DNAAF11: variants seen among roughly 807,000 people sequenced by gnomAD.
DNAAF11 encodes the protein dynein axonemal assembly factor 11.
In DNAAF11, 45 loss-of-function variants were observed where a neutral mutation model predicts 60.8. The ratio of observed to expected loss-of-function variants is 0.74; its 90% CI spans 0.58 to 0.95. The LOEUF (loss-of-function observed/expected upper bound fraction) is 0.95, where lower values mean the gene tolerates loss of function less well. Ranked by LOEUF, DNAAF11 falls within the 40% of genes least tolerant of loss-of-function variation. DNAAF11 has a pLI of 0.00. For missense variants in DNAAF11, 546 were observed against 546.2 expected, an observed-to-expected ratio of 1.00 and a Z score of 0.00; for synonymous variants, 191 against 183.5, an observed-to-expected ratio of 1.04 and a Z score of -0.33.
At chr8:132,674,123 G>GAGGAGGAA (rs1825483613) in intron 1 of DNAAF11, among the ~76,000 whole-genome samples, 2 of 125,008 alleles carry the variant, frequency 1.6e-5, no homozygotes, top group Admixed American at 7.4e-5. Context: ...AGGAGGAGGA[G>GAGGAGGAA]GAGGAGGAGG....
rs981190680 is a variant in DNAAF11 at position 132,648,127 on chromosome 8, C to T, written c.256+8703G>A. Among the ~76,000 whole-genome samples the T allele has an allele frequency of 5.8e-4, 89 of 152,174 alleles. 1 individual carries two copies. The highest frequency in any genetic ancestry group is 1.2e-3 in the East Asian group (6 of 5,184). The stretch of plus-strand genomic sequence containing the variant: ...AATCCTCAATAAAATACTGGCAAAC[C>T]GAATCCAGCAGCACATCAAAAAGCT... On this transcript the variant is annotated intron_variant, in intron 3 of 11. Coordinates refer to ENST00000620350, the MANE Select transcript of DNAAF11 (RefSeq NM_012472.6).
chr8:132,590,930 C>T (rs1395754649), intron 10 of DNAAF11, among the ~76,000 whole-genome samples: 1 of 152,206 alleles, frequency 6.6e-6, no homozygotes, highest in African/African-American at 2.4e-5. Context: ...CTTTGATCTA[C>T]AGATGAGAGT....
intron 2 of DNAAF11, among the ~76,000 whole-genome samples, chr8:132,660,360 T>G (rs1427760915): frequency 6.6e-6 from 1 of 152,256 alleles, no homozygotes; most frequent in Non-Finnish European, 1.5e-5. Flanking sequence ...GTAATCCCTA[T>G]GCCAATTTAC....
chr8:132,669,988 A>C (rs1825030986), intron 1 of DNAAF11, among the ~76,000 whole-genome samples: 1 of 151,500 alleles, frequency 6.6e-6, no homozygotes, highest in South Asian at 2.1e-4. Context: ...GCAACATATC[A>C]AAATTTGCAG....
rs536001007 is a variant in DNAAF11, at chr8:132,637,142, T to A, written c.429+793A>T. Among the ~76,000 whole-genome samples the A allele has an allele frequency of 5.9e-5, 9 of 152,308 alleles. No homozygotes were observed. The South Asian group carries it at 1.9e-3, about 32-fold the overall frequency. Reference sequence around the variant, plus strand: ...GGGGGGATATGGTATAAGAGTAACATACGCAGTAGTGGTTGTCAAATGAGG... The same window carrying A: ...GGGGGGATATGGTATAAGAGTAACAAACGCAGTAGTGGTTGTCAAATGAGG... On this transcript the variant is annotated intron_variant, in intron 4 of 11. Transcript: ENST00000620350.
chr8:132,575,513 G>A (rs1814649847), intron 11 of DNAAF11, among the ~76,000 whole-genome samples: 1 of 152,178 alleles, frequency 6.6e-6, no homozygotes, highest in South Asian at 2.1e-4. Context: ...ACAATCAAAT[G>A]AGGAGGACAC....
intron 10 of DNAAF11, chr8:132,608,574 ATC>A (rs1415155025): frequency 2.4e-6 from 1 of 414,250 alleles, no homozygotes; most frequent in East Asian, 7.1e-5. Flanking sequence ...TACACAAATC[ATC>A]TGTCTTGATT....
chr8:132,616,263 G>T (rs983808455), intron 7 of DNAAF11, among the ~76,000 whole-genome samples: 1 of 152,124 alleles, frequency 6.6e-6, no homozygotes, highest in Non-Finnish European at 1.5e-5. Flanking sequence ...GACAGTCGTT[G>T]TATGGCACTT....
chr8:132,661,800 T>C, intron 1 of DNAAF11, 173 bp from the exon 2 acceptor site: 1 of 694,392 alleles, frequency 1.4e-6, no homozygotes, highest in Admixed American at 2.1e-5. Context: ...CCTGGAGTTT[T>C]TGTGATGCCA....
At position 132,674,123 on chromosome 8, in the gene DNAAF11, G is replaced by GGAGGAGGAGGAGGAA. The variant is rs1825484762; in HGVS notation, c.10+1360_10+1361insTTCCTCCTCCTCCTC. On this transcript the variant is annotated intron_variant, in intron 1 of 11. Coordinates refer to ENST00000620350, the MANE Select transcript of DNAAF11 (RefSeq NM_012472.6). ...AGGAGGAGGAGGAGCAGGAGGAGGA[G>GGAGGAGGAGGAGGAA]GAGGAGGAGGAGAAGGAGGAGGAAG... 1.3e-4 allele frequency among the ~76,000 whole-genome samples: 16 copies of GGAGGAGGAGGAGGAA among 125,094 alleles called. 3 individuals carry two copies. The highest frequency in any genetic ancestry group is 6.6e-4 in the African/African-American group (16 of 24,148). 82.1% of individuals were successfully genotyped at this position (125,094 alleles called of 152,430 possible).
At chr8:132,582,347 G>A (rs982312543) in intron 11 of DNAAF11, among the ~76,000 whole-genome samples, 2 of 152,196 alleles carry the variant, frequency 1.3e-5, no homozygotes, top group Non-Finnish European at 2.9e-5. Flanking sequence ...GAAGAATCGT[G>A]CTAAGACATC....
chr8:132,689,376 G>A, the DNAAF11 span, among the ~76,000 whole-genome samples: 2 of 151,892 alleles, frequency 1.3e-5, no homozygotes, highest in African/African-American at 4.8e-5. Flanking sequence ...AATCATCTGG[G>A]GTTTTGCTTT....
intron 3 of DNAAF11, among the ~76,000 whole-genome samples, chr8:132,654,327 T>C (rs1290117754): frequency 6.6e-6 from 1 of 152,000 alleles, no homozygotes. Context: ...ACAATAATAC[T>C]TGGAGACAGC....
At chr8:132,698,406 G>C in the DNAAF11 span, among the ~76,000 whole-genome samples, 1 of 152,110 alleles carries the variant, frequency 6.6e-6, no homozygotes, top group Admixed American at 6.5e-5. Flanking sequence ...CTTCTCAGGG[G>C]CAACTCTCTT....
intron 6 of DNAAF11, among the ~76,000 whole-genome samples, chr8:132,622,986 ATTAATATTTAAGTAAGTCTATT>A (rs1451911376): frequency 6.6e-6 from 1 of 152,170 alleles, no homozygotes; most frequent in African/African-American, 2.4e-5. Context: ...ATGAATGTCT[ATTAATATTTAAGTAAGTCTATT>A]TTATACATGA....
At chr8:132,650,272 A>G (rs992183568) in intron 3 of DNAAF11, among the ~76,000 whole-genome samples, 14 of 152,204 alleles carry the variant, frequency 9.2e-5, no homozygotes, top group African/African-American at 2.2e-4. Context: ...GCAAAGACAG[A>G]AAACCAAACA....
At chr8:132,700,482 T>C in the DNAAF11 span, among the ~76,000 whole-genome samples, 4 of 148,030 alleles carry the variant, frequency 2.7e-5, no homozygotes, top group African/African-American at 1.0e-4. Context: ...GGCCAGGAGT[T>C]GAAGACCAGC....
At chr8:132,648,444 T>C (rs186750350) in intron 3 of DNAAF11, among the ~76,000 whole-genome samples, 2,375 of 152,256 alleles carry the variant, frequency 0.016, 71 homozygotes, top group African/African-American at 0.054. Flanking sequence ...CTTTGAAAAC[T>C]GGCACAAGAC....
At chr8:132,594,822 T>C (rs1019273499) in intron 10 of DNAAF11, among the ~76,000 whole-genome samples, 2 of 152,186 alleles carry the variant, frequency 1.3e-5, no homozygotes, top group African/African-American at 4.8e-5. Context: ...CTCTTTTCCT[T>C]ATAAATTACC....
Sources: allele counts gnomAD v4.1 joint callset (sites outside exome capture counted in the v4.1 genomes callset), GRCh38; gene constraint gnomAD v4.1.1; transcripts MANE v1.5; gene names NCBI Gene and HGNC (gene_info 2026-07-23, HGNC 2026-07-21).